Variants in PMPCA observed in about 807,000 individuals in gnomAD.
PMPCA encodes the protein mitochondrial-processing peptidase subunit alpha.
PMPCA carries 47 observed loss-of-function variants against 59.3 expected under a neutral mutation model. The ratio of observed to expected loss-of-function variants is 0.79; its 90% CI spans 0.63 to 1.01. PMPCA has a LOEUF of 1.01. Among genes scored for constraint, PMPCA ranks in the 50% least tolerant of loss-of-function variants. PMPCA has a pLI of 0.00. For missense variants in PMPCA, 726 were observed against 704.5 expected (o/e 1.03, Z -0.34); for synonymous variants, 338 against 290.3 (o/e 1.16, Z -1.67).
In PMPCA at chr9:136,412,558, T is replaced by C; in HGVS notation, c.343T>C (p.Leu115=). The part of the protein sequence containing the change: ...LSGIAHFLEK[L]AFSSTARFDS... Reference sequence around the variant, plus strand: ...TGGAATTGCTCACTTTTTGGAAAAATTGGCATTTTCGGTCAGTACCCAGTT... The same window carrying C: ...TGGAATTGCTCACTTTTTGGAAAAACTGGCATTTTCGGTCAGTACCCAGTT... Residue 115 remains leucine, a synonymous_variant, in exon 3 of 13, where the codon TTG becomes CTG. Transcript: ENST00000371717. 1 of 1,589,742 alleles carries C rather than the reference T, an allele frequency of 6.3e-7. No homozygotes were observed. Among genetic ancestry groups the C allele is most frequent in the East Asian group, 2.2e-5 (1 of 44,722 alleles).
At chr9:136,422,754 A>C (rs1008131441) in intron 12 of PMPCA, 8 of 1,109,544 alleles carry the variant, frequency 7.2e-6, no homozygotes, top group Non-Finnish European at 8.9e-6. Flanking sequence ...CCTTCTGTCC[A>C]TGCGGCCCTC....
intron 7 of PMPCA, 57 bp downstream of exon 7, chr9:136,417,271 G>C (rs1362177061): frequency 2.8e-6 from 4 of 1,439,494 alleles, no homozygotes; most frequent in Non-Finnish European, 3.7e-6. Flanking sequence ...CCTGGCCCGT[G>C]GTGTGACCTG....
intron 3 of PMPCA, 22 bp from the exon 4 acceptor site, chr9:136,412,788 T>C (rs753883958): frequency 6.9e-7 from 1 of 1,459,760 alleles, no homozygotes; most frequent in Non-Finnish European, 9.6e-7. Context: ...CTTATTTAGG[T>C]TTCCTTATTT....
intron 1 of PMPCA, 149 bp downstream of exon 1, chr9:136,410,888 C>T (rs2131579908): frequency 3.3e-6 from 2 of 597,466 alleles, no homozygotes; most frequent in Non-Finnish European, 4.9e-6. Flanking sequence ...GACGGGGGCC[C>T]TGCCTTGCTT....
intron 11 of PMPCA, chr9:136,420,690 C>G (rs1335022076): frequency 1.3e-5 from 2 of 152,218 alleles, no homozygotes; most frequent in East Asian, 3.9e-4. Flanking sequence ...TAGTGCACTG[C>G]TAGAAAAACA....
intron 12 of PMPCA, 98 bp downstream of exon 12, chr9:136,422,074 T>G: frequency 6.5e-7 from 1 of 1,547,760 alleles, no homozygotes; most frequent in Non-Finnish European, 8.7e-7. Flanking sequence ...GCCTGTGGTA[T>G]GTCCATCACA....
At position 136,412,057 on chromosome 9, in the gene PMPCA, C is replaced by T. The variant is rs758034373; in HGVS notation, c.132C>T (p.Leu44=). ...SSGGAYPNIP[L]SSPLPGVPKP... is the part of the protein sequence containing the mutation. ...GTGGTGCCTATCCCAACATCCCCCT[C>T]TCTTCTCCCTTACCTGGAGTACCCA... Residue 44 remains leucine (L), a synonymous_variant, in exon 2 of 13, where the codon CTC becomes CTT. Transcript: ENST00000371717. 6.2e-7 allele frequency: 1 copy of T among 1,613,386 alleles called. No individual in the cohort carries two copies. Among genetic ancestry groups the T allele is most frequent in the Non-Finnish European group, 8.5e-7 (1 of 1,179,462 alleles).
At position 136,416,358 on chromosome 9, in the gene PMPCA, C is replaced by T. The variant is rs1835273830; in HGVS notation, c.600C>T (p.Asp200=). Residue 200 remains aspartate, a synonymous_variant, in exon 6 of 13, where the codon GAC becomes GAT. Coordinates refer to ENST00000371717, the MANE Select transcript of PMPCA (RefSeq NM_015160.3). ...FELEDLNLRP[D]PEPLLTEMIH... ...TGGAGGACCTGAACCTGCGGCCTGA[C>T]CCAGAGCCACTTCTCACCGAGATGA... 6.2e-7 allele frequency: 1 copy of T among 1,613,282 alleles called. No homozygotes were observed. The highest frequency in any genetic ancestry group is 8.5e-7 in the Non-Finnish European group (1 of 1,179,442).
In PMPCA at chr9:136,410,738, A is replaced by C; in HGVS notation, c.70A>C (p.Arg24=). The C allele has an allele frequency of 7.1e-7, 1 of 1,413,746 alleles. No homozygotes were observed. Among genetic ancestry groups the C allele is most frequent in the Non-Finnish European group, 9.2e-7 (1 of 1,089,698 alleles). The allele number at this position is 1,413,746 out of a possible 1,614,324, so 87.6% of individuals were successfully genotyped here. ...GSGSWGCSRL[R]FGPPAYRRFS... is the part of the protein sequence containing the mutation. ...GGGTTCTTGGGGCTGTTCGCGGCTG[A>C]GGTGAGCCAAAGGCGAACCAGGCTT... Residue 24 remains arginine (R), a splice_region_variant and synonymous_variant, in exon 1 of 13, where the codon AGG becomes CGG. Coordinates refer to ENST00000371717, the MANE Select transcript of PMPCA (RefSeq NM_015160.3).
chr9:136,411,290 T>A (rs1835104555), intron 1 of PMPCA: 2 of 153,736 alleles, frequency 1.3e-5, no homozygotes, highest in Admixed American at 1.3e-4. Flanking sequence ...GCGGAGGTGC[T>A]GCCTCCAGGA....
intron 11 of PMPCA, among the ~76,000 whole-genome samples, chr9:136,421,308 G>A (rs1270461195): frequency 1.3e-5 from 2 of 152,128 alleles, no homozygotes; most frequent in South Asian, 2.1e-4. Flanking sequence ...TGTATTTCAA[G>A]TGTGGTAGAA....
chr9:136,413,429 G>C (rs1020798582), intron 4 of PMPCA, among the ~76,000 whole-genome samples: 6 of 152,158 alleles, frequency 3.9e-5, no homozygotes, highest in African/African-American at 7.2e-5. Context: ...TGCATGCCAG[G>C]TGTGGAGCTT....
intron 12 of PMPCA, 40 bp from the exon 13 acceptor site, chr9:136,423,055 G>A (rs758856633): frequency 3.1e-5 from 49 of 1,574,252 alleles, no homozygotes; most frequent in Middle Eastern, 1.7e-4. Flanking sequence ...CGTGGGGGCC[G>A]TGGCGCGCTC....
In PMPCA at chr9:136,418,883, C is replaced by A; in HGVS notation, c.1165C>A (p.Leu389Ile). Residue 389 changes from leucine (L) to isoleucine (I), a missense_variant, in exon 10 of 13, where the codon CTC (leucine) becomes ATC (isoleucine). Coordinates refer to ENST00000371717, the MANE Select transcript of PMPCA (RefSeq NM_015160.3). ...SYHHSYEDTGLLCIHASADPR... is the reference protein window; with the variant it reads ...SYHHSYEDTGILCIHASADPR... ...CCACCACAGCTACGAGGACACTGGC[C>A]TCCTTTGCATCCATGCCAGCGCCGA... The A allele has an allele frequency of 3.7e-6, 6 of 1,613,758 alleles. No individual in the cohort carries two copies. Among genetic ancestry groups the A allele is most frequent in the Non-Finnish European group, 3.4e-6 (4 of 1,179,978 alleles).
At chr9:136,421,415 T>TTTTTTTTG (rs1313498650) in intron 11 of PMPCA, among the ~76,000 whole-genome samples, 12 of 147,608 alleles carry the variant, frequency 8.1e-5, no homozygotes, top group Admixed American at 2.7e-4. Flanking sequence ...TTTTTTTTTT[T>TTTTTTTTG]TTTTTTTTTT....
In PMPCA at chr9:136,410,696, C is replaced by T. The variant is rs770263035; in HGVS notation, c.28C>T (p.Arg10Trp). MAAVVLAAT[R>W]LLRGSGSWGC... ...GGCGGCTGTGGTGCTGGCGGCGACG[C>T]GGTTGCTGCGGGGCTCGGGTTCTTG... The change falls in exon 1 of 13, where the codon CGG becomes TGG. Residue 10 changes from arginine (R) to tryptophan (W), a missense_variant. By Grantham distance (101) the Arg-to-Trp change is moderately radical (BLOSUM62 -3). Transcript: ENST00000371717. 9.9e-6 allele frequency: 14 copies of T among 1,415,546 alleles called. No homozygotes were observed. The highest frequency in any genetic ancestry group is 2.8e-5 in the East Asian group (1 of 36,080). The allele number at this position is 1,415,546 out of a possible 1,614,324, so 87.7% of individuals were successfully genotyped here.
chr9:136,423,382 A>C lies in PMPCA; in HGVS notation c.*118A>C. The C allele has an allele frequency of 2.0e-6, 2 of 1,025,304 alleles. No individual in the cohort carries two copies. Among genetic ancestry groups the C allele is most frequent in the Non-Finnish European group, 2.8e-6 (2 of 714,950 alleles). The allele number at this position is 1,025,304 out of a possible 1,614,324, so 63.5% of individuals were successfully genotyped here. A position where few individuals can be genotyped will look rare whatever the true frequency, so the allele number is the denominator to read the frequency against. On this transcript the variant is annotated 3_prime_UTR_variant, in exon 13 of 13. Transcript: ENST00000371717. ...TCTGGTTGTATAAACGGTGCAAACA[A>C]TGTCGCCACAGCACCCACGCGGTTT...
chr9:136,420,819 C>T (rs1450958572), intron 11 of PMPCA: 3 of 151,940 alleles, frequency 2.0e-5, no homozygotes, highest in Non-Finnish European at 4.4e-5. Flanking sequence ...AGGCCAGGTC[C>T]GGTGGCTTAT....
chr9:136,419,125 C>T lies in PMPCA; in HGVS notation c.1263+19C>T, dbSNP rs779060044. Reference sequence around the variant, plus strand: ...GGACACGGTAAGTGCAGTGTGGCGCCATTTCCAGGCGTACCTGTGGTGTCT... The same window carrying T: ...GGACACGGTAAGTGCAGTGTGGCGCTATTTCCAGGCGTACCTGTGGTGTCT... On this transcript the variant is annotated intron_variant, in intron 11 of 12. Coordinates refer to ENST00000371717, the MANE Select transcript of PMPCA (RefSeq NM_015160.3). The T allele has an allele frequency of 6.9e-6, 11 of 1,605,148 alleles. No individual in the cohort carries two copies. In the Admixed American group the frequency reaches 1.5e-4, roughly 22 times the overall value.
Sources: gnomAD v4.1 joint callset for allele counts (sites outside exome capture counted in the v4.1 genomes callset) on GRCh38, gnomAD v4.1.1 for gene constraint, MANE v1.5 for transcripts, NCBI Gene and HGNC (gene_info 2026-07-23, HGNC 2026-07-21) for gene names.